PLS3: variants seen among roughly 807,000 people sequenced by gnomAD.
PLS3 encodes the protein plastin 3, also known as plastin-3.
PLS3 carries 11 observed loss-of-function variants against 46.5 expected under a neutral mutation model. That is an observed-to-expected ratio of 0.24 (90% CI 0.15 to 0.39). PLS3 has a LOEUF of 0.39. Among genes scored for constraint, PLS3 ranks in the 10% least tolerant of loss-of-function variants. The pLI is 1.00. For missense variants in PLS3, 308 were observed against 461.8 expected, an observed-to-expected ratio of 0.67 and a Z score of 3.05; for synonymous variants, 167 against 162.2, an observed-to-expected ratio of 1.03 and a Z score of -0.22.
chrX:115,643,627 A>G (rs1162257212), intron 10 of PLS3, 119 bp downstream of exon 10: 5 of 442,420 alleles, frequency 1.1e-5, no homozygotes, highest in Non-Finnish European at 2.0e-5. Context: ...TAGATGGCAG[A>G]TGCTGAGTAA....
At chrX:115,576,500 T>A (rs1216851883) in intron 1 of PLS3, among the ~76,000 whole-genome samples, 1 of 111,872 alleles carries the variant, frequency 8.9e-6, no homozygotes, top group African/African-American at 3.2e-5. Context: ...GATCCCGTGA[T>A]CACGCCTCTG....
chrX:115,609,318 G>T (rs1272515727), intron 1 of PLS3, among the ~76,000 whole-genome samples: 2 of 110,466 alleles, frequency 1.8e-5, no homozygotes, highest in South Asian at 7.6e-4. Context: ...TGTGCCAAGA[G>T]GTAAAATCAA....
At chrX:115,568,156 G>A (rs1248137339) in intron 1 of PLS3, among the ~76,000 whole-genome samples, 8 of 111,497 alleles carry the variant, frequency 7.2e-5, no homozygotes, top group Admixed American at 4.8e-4. Flanking sequence ...TTTCAGATCA[G>A]GAAGAATCAC....
chrX:115,598,573 G>A (rs1556634158), intron 1 of PLS3, among the ~76,000 whole-genome samples: 3 of 111,926 alleles, frequency 2.7e-5, no homozygotes, highest in African/African-American at 6.5e-5. Flanking sequence ...TCTAAAATGA[G>A]TCAAGCAAAA....
chrX:115,629,094 C>T, intron 3 of PLS3, 104 bp from the exon 4 acceptor site: 1 of 568,598 alleles, frequency 1.8e-6, no homozygotes, highest in South Asian at 3.7e-5. Context: ...TTAACATCAG[C>T]TATGGAAAAA....
intron 8 of PLS3, among the ~76,000 whole-genome samples, chrX:115,637,677 A>T (rs5987958): frequency 2.7e-5 from 3 of 111,014 alleles, no homozygotes; most frequent in African/African-American, 9.9e-5. Flanking sequence ...CATTGTGTGG[A>T]GTTCTCCTTA....
intron 2 of PLS3, among the ~76,000 whole-genome samples, chrX:115,620,127 C>T (rs782300121): frequency 1.8e-5 from 2 of 111,030 alleles, no homozygotes; most frequent in East Asian, 5.7e-4. Flanking sequence ...GTGAACTACA[C>T]GTAGATCACA....
In PLS3 at chrX:115,625,322, C is replaced by CGT. The variant is rs781785352; in HGVS notation, c.237+2914_237+2915insTG. ...AGAGAAATGTCTGTGTGTGTGTGCG[C>CGT]GCGTGTGTGTGTGTATGGCAAAAAA... On this transcript the variant is annotated intron_variant, in intron 3 of 15. Transcript: ENST00000355899. Among the ~76,000 whole-genome samples the CGT allele has an allele frequency of 2.6e-3, 282 of 109,038 alleles. 1 individual carries two copies. The highest frequency in any genetic ancestry group is 8.8e-3 in the South Asian group (22 of 2,508). The allele number at this position is 109,038 out of a possible 115,157, so 94.7% of individuals were successfully genotyped here. A position where few individuals can be genotyped will look rare whatever the true frequency, so the allele number is the denominator to read the frequency against.
chrX:115,624,127 G>C (rs1392461895), intron 3 of PLS3, among the ~76,000 whole-genome samples: 1 of 107,074 alleles, frequency 9.3e-6, no homozygotes, highest in Non-Finnish European at 1.9e-5. Flanking sequence ...TACTCGGGAG[G>C]CTGGGGCAAG....
chrX:115,566,609 C>T (rs1311023578), intron 1 of PLS3, among the ~76,000 whole-genome samples: 2 of 110,560 alleles, frequency 1.8e-5, no homozygotes, highest in African/African-American at 6.6e-5. Context: ...GATCTCCTGA[C>T]CTCGTGATCC....
rs5987764 is a variant in PLS3, at chrX:115,640,193, C to T, written c.892-215C>T. On this transcript the variant is annotated intron_variant, in intron 8 of 15. Coordinates refer to ENST00000355899, the MANE Select transcript of PLS3 (RefSeq NM_005032.7). The stretch of plus-strand genomic sequence containing the variant: ...ATTGTATTGATGACTTTAATAATTG[C>T]GAAGTCATGTCAAAATCCAGTTCAT... The T allele has an allele frequency of 0.16, 140,263 of 870,201 alleles. 9,829 individuals are homozygous for T. The highest frequency in any genetic ancestry group is 0.43 in the South Asian group (18,734 of 43,331). 71.7% of individuals were successfully genotyped at this position (870,201 alleles called of 1,213,427 possible). A position where few individuals can be genotyped will look rare whatever the true frequency, so the allele number is the denominator to read the frequency against.
intron 3 of PLS3, among the ~76,000 whole-genome samples, chrX:115,627,245 GATTT>G (rs1270841762): frequency 9.0e-6 from 1 of 111,652 alleles, no homozygotes; most frequent in East Asian, 2.8e-4. Flanking sequence ...AACAAATTTG[GATTT>G]ATTTTTTAGC....
At chrX:115,629,758 A>G (rs970159166) in intron 4 of PLS3, 77 bp from the exon 5 acceptor site, 1 of 664,112 alleles carries the variant, frequency 1.5e-6, no homozygotes, top group East Asian at 3.4e-5. Flanking sequence ...CTACTGCACA[A>G]CTATTTTAGG....
At chrX:115,640,216 C>A in intron 8 of PLS3, 192 bp from the exon 9 acceptor site, 2 of 735,017 alleles carry the variant, frequency 2.7e-6, no homozygotes, top group East Asian at 3.5e-5. Context: ...AAATCCAGTT[C>A]ATCCATATGC....
chrX:115,639,108 C>T (rs782695517), intron 8 of PLS3, among the ~76,000 whole-genome samples: 1 of 111,988 alleles, frequency 8.9e-6, no homozygotes, highest in Admixed American at 9.6e-5. Flanking sequence ...CTGTAAAGCC[C>T]TTTTCAGGGT....
intron 1 of PLS3, among the ~76,000 whole-genome samples, chrX:115,599,898 G>A (rs2147464207): frequency 9.0e-6 from 1 of 110,896 alleles, no homozygotes; most frequent in South Asian, 3.9e-4. Context: ...GCAAAGTGCT[G>A]AGATTACAGG....
At chrX:115,604,914 T>C (rs2074476647) in intron 1 of PLS3, among the ~76,000 whole-genome samples, 1 of 112,075 alleles carries the variant, frequency 8.9e-6, no homozygotes, top group South Asian at 3.7e-4. Context: ...TACCTATGAG[T>C]AGTCTTAAGG....
intron 1 of PLS3, among the ~76,000 whole-genome samples, chrX:115,579,317 T>C (rs1389889736): frequency 8.9e-6 from 1 of 112,206 alleles, no homozygotes; most frequent in Non-Finnish European, 1.9e-5. Context: ...CATTCACCCA[T>C]TGAAGGATAT....
At chrX:115,610,847 G>A in intron 2 of PLS3, 1 of 1,104,176 alleles carries the variant, frequency 9.1e-7, no homozygotes, top group Non-Finnish European at 1.2e-6. Flanking sequence ...AGTATAAGAT[G>A]AGAAGGCATA....
Sources: gnomAD v4.1 joint callset for allele counts (sites outside exome capture counted in the v4.1 genomes callset) on GRCh38, gnomAD v4.1.1 for gene constraint, MANE v1.5 for transcripts, NCBI Gene and HGNC (gene_info 2026-07-23, HGNC 2026-07-21) for gene names.